Variants in PPP2R2C observed in about 807,000 individuals in gnomAD.
PPP2R2C encodes the protein protein phosphatase 2 regulatory subunit Bgamma.
A neutral mutation model predicts 45.3 loss-of-function variants in PPP2R2C; 10 were observed. The observed-to-expected ratio is 0.22, with a 90% CI of 0.14 to 0.37. PPP2R2C has a LOEUF of 0.37. Ranked by LOEUF, PPP2R2C falls within the 10% of genes least tolerant of loss-of-function variation. PPP2R2C has a pLI of 1.00. For missense variants in PPP2R2C, 308 were observed against 619.7 expected (o/e 0.50, Z 5.34); for synonymous variants, 257 against 245.4 (o/e 1.05, Z -0.44).
At chr4:6,470,420 G>T (rs1171987266) in intron 1 of PPP2R2C, among the ~76,000 whole-genome samples, 4 of 152,198 alleles carry the variant, frequency 2.6e-5, no homozygotes, top group African/African-American at 9.7e-5. Flanking sequence ...GGTGCAGAGG[G>T]AATTAATGTT....
At chr4:6,560,482 A>T (rs1400687788) in intron 1 of PPP2R2C, among the ~76,000 whole-genome samples, 1 of 152,198 alleles carries the variant, frequency 6.6e-6, no homozygotes. Flanking sequence ...CCTCAGGCAG[A>T]TCACTTAATC....
intron 1 of PPP2R2C, chr4:6,420,862 C>T: frequency 1.1e-6 from 1 of 886,324 alleles, no homozygotes; most frequent in Non-Finnish European, 1.4e-6. Context: ...TGTGCTGGCA[C>T]ACACACTTGT....
intron 1 of PPP2R2C, among the ~76,000 whole-genome samples, chr4:6,551,240 G>A (rs1725175714): frequency 6.6e-6 from 1 of 152,172 alleles, no homozygotes; most frequent in African/African-American, 2.4e-5. Flanking sequence ...AAAGCCCCTG[G>A]CAAGTCACGA....
At chr4:6,445,447 G>C (rs1405099647) in intron 1 of PPP2R2C, among the ~76,000 whole-genome samples, 1 of 152,252 alleles carries the variant, frequency 6.6e-6, no homozygotes, top group Non-Finnish European at 1.5e-5. Context: ...CTGTTTACCT[G>C]TTAATCAAAT....
chr4:6,362,617 G>A (rs1713893493), intron 5 of PPP2R2C, among the ~76,000 whole-genome samples: 1 of 152,208 alleles, frequency 6.6e-6, no homozygotes, highest in Non-Finnish European at 1.5e-5. Flanking sequence ...TGGCTCAGAG[G>A]GGCCTTGGGC....
chr4:6,381,413 C>T (rs1194092010), intron 1 of PPP2R2C: 1 of 1,420,856 alleles, frequency 7.0e-7, no homozygotes, highest in South Asian at 1.3e-5. Context: ...CTGAAGCCAC[C>T]TGGATGTGGC....
At chr4:6,500,884 G>A (rs771489486) in intron 2 of PPP2R2C, among the ~76,000 whole-genome samples, 2 of 152,228 alleles carry the variant, frequency 1.3e-5, no homozygotes, top group Admixed American at 6.5e-5. Context: ...AAGCTGACAC[G>A]GGAAGAGTGG....
intron 1 of PPP2R2C, among the ~76,000 whole-genome samples, chr4:6,551,583 C>T (rs1725185761): frequency 1.3e-5 from 2 of 152,196 alleles, no homozygotes; most frequent in Admixed American, 1.3e-4. Flanking sequence ...AAAAGCTGGG[C>T]ATCAAAGGCC....
Position 6,384,327 on chromosome 4 carries a change from G to A in PPP2R2C, c.71-3233C>T, listed in dbSNP as rs990821096. 21 of 985,362 alleles carry A rather than the reference G, an allele frequency of 2.1e-5. No homozygotes were observed. The African/African-American group carries it at 3.5e-4, about 16-fold the overall frequency. The allele number at this position is 985,362 out of a possible 1,614,324, so 61.0% of individuals were successfully genotyped here. ...GATCTACATCAGTGATTATAGCCAT[G>A]TGAAATAAGCAAAGAAACTGGGCAG... is the stretch of plus-strand genomic sequence containing the variant. On this transcript the variant is annotated intron_variant, in intron 1 of 8. Transcript: ENST00000382599.
intron 1 of PPP2R2C, among the ~76,000 whole-genome samples, chr4:6,399,224 C>T (rs774852029): frequency 6.6e-6 from 1 of 152,172 alleles, no homozygotes; most frequent in Admixed American, 6.5e-5. Flanking sequence ...GAAGTCTACA[C>T]TTTAAGGGGA....
intron 2 of PPP2R2C, among the ~76,000 whole-genome samples, chr4:6,505,794 T>C (rs557465377): frequency 7.2e-5 from 11 of 152,142 alleles, no homozygotes; most frequent in African/African-American, 2.6e-4. Flanking sequence ...GGTGAAACCT[T>C]GTCTCTACTA....
intron 4 of PPP2R2C, among the ~76,000 whole-genome samples, chr4:6,374,672 G>A (rs538947561): frequency 2.6e-4 from 39 of 152,300 alleles, no homozygotes; most frequent in African/African-American, 8.9e-4. Context: ...CTCTGTCACC[G>A]CACTGAGCGC....
intron 1 of PPP2R2C, among the ~76,000 whole-genome samples, chr4:6,451,938 A>G (rs146927355): frequency 2.6e-4 from 40 of 152,202 alleles, no homozygotes; most frequent in African/African-American, 9.2e-4. Flanking sequence ...GAACAGTGAC[A>G]CCACCCCAGA....
intron 1 of PPP2R2C, among the ~76,000 whole-genome samples, chr4:6,542,083 A>G (rs1724819046): frequency 6.6e-6 from 1 of 152,236 alleles, no homozygotes; most frequent in African/African-American, 2.4e-5. Flanking sequence ...AGTACCCTCC[A>G]AAAGGGACAG....
intron 1 of PPP2R2C, among the ~76,000 whole-genome samples, chr4:6,437,484 G>C (rs997193151): frequency 2.0e-5 from 3 of 152,188 alleles, no homozygotes; most frequent in African/African-American, 7.2e-5. Context: ...CCAGAATTAA[G>C]AGGAAGTTAG....
chr4:6,451,819 G>C (rs1401273103), intron 1 of PPP2R2C, among the ~76,000 whole-genome samples: 1 of 152,086 alleles, frequency 6.6e-6, no homozygotes, highest in Non-Finnish European at 1.5e-5. Flanking sequence ...TCCTGTCTAA[G>C]TTTGAAACCC....
chr4:6,555,099 C>T (rs917066651), intron 1 of PPP2R2C, among the ~76,000 whole-genome samples: 1 of 152,136 alleles, frequency 6.6e-6, no homozygotes, highest in Admixed American at 6.5e-5. Flanking sequence ...GGGCTCTGTG[C>T]TTCAAGGATG....
intron 6 of PPP2R2C, among the ~76,000 whole-genome samples, chr4:6,346,149 A>G (rs1030355769): frequency 2.6e-5 from 4 of 152,146 alleles, no homozygotes; most frequent in Admixed American, 6.5e-5. Flanking sequence ...CAGTGGGGTC[A>G]CCATTTCTTC....
At chr4:6,362,052 G>A (rs76306579) in intron 5 of PPP2R2C, among the ~76,000 whole-genome samples, 3,952 of 152,066 alleles carry the variant, frequency 0.026, 58 homozygotes, top group African/African-American at 0.047. Flanking sequence ...GGGTGAGGGG[G>A]TTGAAGAGGG....
Sources: gnomAD v4.1 joint callset for allele counts (sites outside exome capture counted in the v4.1 genomes callset) on GRCh38, gnomAD v4.1.1 for gene constraint, MANE v1.5 for transcripts, NCBI Gene and HGNC (gene_info 2026-07-23, HGNC 2026-07-21) for gene names.